CNNM4: variants seen among roughly 807,000 people sequenced by gnomAD.
CNNM4 encodes the protein metal transporter CNNM4.
A neutral mutation model predicts 53.7 loss-of-function variants in CNNM4; 32 were observed. That is an observed-to-expected ratio of 0.60 (90% CI 0.45 to 0.80). CNNM4 has a LOEUF of 0.80. Ranked by LOEUF, CNNM4 falls within the 30% of genes least tolerant of loss-of-function variation. The pLI, the probability that CNNM4 is intolerant of heterozygous loss-of-function variation, is 0.00. For missense variants in CNNM4, 784 were observed against 1,022.0 expected, an observed-to-expected ratio of 0.77 and a Z score of 3.17; for synonymous variants, 410 against 440.0, an observed-to-expected ratio of 0.93 and a Z score of 0.85.
At chr2:96,807,595 C>T (rs773782769) in intron 5 of CNNM4, among the ~76,000 whole-genome samples, 6 of 151,794 alleles carry the variant, frequency 4.0e-5, no homozygotes, top group Non-Finnish European at 8.8e-5. Flanking sequence ...ATTATCCAGG[C>T]GTGGTGTTGG....
chr2:96,808,887 C>G lies in CNNM4; in HGVS notation c.2130+145C>G. 1 of 866,114 alleles carries G rather than the reference C, an allele frequency of 1.2e-6. No individual in the cohort carries two copies. 53.7% of individuals were successfully genotyped at this position (866,114 alleles called of 1,614,324 possible). A position where few individuals can be genotyped will look rare whatever the true frequency, so the allele number is the denominator to read the frequency against. ...ATGGGGTCTTGCTCTGTCGCCCAGGCTGGAATGCAGTGGTGTGATCATAGC... is the reference window on the plus strand; with the variant it reads ...ATGGGGTCTTGCTCTGTCGCCCAGGGTGGAATGCAGTGGTGTGATCATAGC... On this transcript the variant is annotated intron_variant, in intron 6 of 6. Transcript: ENST00000377075. This position sits in a 1 kb window ranked among gnomAD's most constrained non-coding sequence, Gnocchi z 4.9.
intron 1 of CNNM4, among the ~76,000 whole-genome samples, chr2:96,773,929 A>G (rs573772019): frequency 1.3e-5 from 2 of 152,238 alleles, no homozygotes; most frequent in South Asian, 4.1e-4. Flanking sequence ...AACCCTCTAT[A>G]TAATTATATG....
chr2:96,775,709 G>T (rs1014517542), intron 1 of CNNM4, among the ~76,000 whole-genome samples: 1 of 152,110 alleles, frequency 6.6e-6, no homozygotes, highest in African/African-American at 2.4e-5. Context: ...GTGCATGGTT[G>T]TGTCTCACTG....
intron 5 of CNNM4, among the ~76,000 whole-genome samples, chr2:96,804,194 C>T (rs1027592358): frequency 2.0e-5 from 3 of 151,318 alleles, no homozygotes; most frequent in Admixed American, 6.6e-5. Flanking sequence ...TGCACCTGGC[C>T]GGACCTCTAA....
chr2:96,784,793 AC>A (rs1325699958), intron 1 of CNNM4, among the ~76,000 whole-genome samples: 1 of 152,226 alleles, frequency 6.6e-6, no homozygotes, highest in Middle Eastern at 3.2e-3. Flanking sequence ...TCTCCTGGGA[AC>A]ATGGTCACCC....
At chr2:96,782,946 G>A (rs1479683134) in intron 1 of CNNM4, among the ~76,000 whole-genome samples, 1 of 152,052 alleles carries the variant, frequency 6.6e-6, no homozygotes, top group Non-Finnish European at 1.5e-5. Flanking sequence ...GGGCTCACAC[G>A]TGTAATCCTA....
intron 1 of CNNM4, among the ~76,000 whole-genome samples, chr2:96,763,616 A>G (rs1323450866): frequency 6.6e-6 from 1 of 152,168 alleles, no homozygotes; most frequent in Non-Finnish European, 1.5e-5. Flanking sequence ...GTGAGCTGGC[A>G]GGTGTTTCTG....
chr2:96,762,491 GTT>G, intron 1 of CNNM4, 90 bp downstream of exon 1: 1 of 1,246,824 alleles, frequency 8.0e-7, no homozygotes, highest in Non-Finnish European at 1.2e-6. Flanking sequence ...TTAGTGTTCT[GTT>G]TGTGTGACTC....
chr2:96,806,531 A>ACGCG lies in CNNM4; in HGVS notation c.1949-2029_1949-2028insGCGC, dbSNP rs1439016674. On this transcript the variant is annotated intron_variant, in intron 5 of 6. Coordinates refer to ENST00000377075, the MANE Select transcript of CNNM4 (RefSeq NM_020184.4). ...AACACACACACACACACACACACAC[A>ACGCG]CACACGCGCGCGCGCGCGCGCGCCC... 1.9e-3 allele frequency among the ~76,000 whole-genome samples: 272 copies of ACGCG among 140,424 alleles called. 1 individual carries two copies. The highest frequency in any genetic ancestry group is 0.012 in the Middle Eastern group (3 of 254). The allele number at this position is 140,424 out of a possible 152,430, so 92.1% of individuals were successfully genotyped here. A position where few individuals can be genotyped will look rare whatever the true frequency, so the allele number is the denominator to read the frequency against.
rs375409792 is a variant in CNNM4 at position 96,809,722 on chromosome 2, G to T, written c.*205G>T. 4 of 512,494 alleles carry T rather than the reference G, an allele frequency of 7.8e-6. No homozygotes were observed. The highest frequency in any genetic ancestry group is 1.9e-5 in the African/African-American group (1 of 52,634). The allele number at this position is 512,494 out of a possible 1,614,324, so 31.7% of individuals were successfully genotyped here. On this transcript the variant is annotated 3_prime_UTR_variant, in exon 7 of 7. Coordinates refer to ENST00000377075, the MANE Select transcript of CNNM4 (RefSeq NM_020184.4). Reference sequence around the variant, plus strand: ...GGTGGCACTGTCCAGCCCTGGATAGGGGGGGCAGTGGGCCAGCTACCGTAA... The same window carrying T: ...GGTGGCACTGTCCAGCCCTGGATAGTGGGGGCAGTGGGCCAGCTACCGTAA...
intron 1 of CNNM4, among the ~76,000 whole-genome samples, chr2:96,773,569 G>A (rs1331666573): frequency 3.3e-5 from 5 of 152,068 alleles, no homozygotes; most frequent in African/African-American, 1.2e-4. Context: ...ATGGCAAGGC[G>A]CGGTGGCTCA....
intron 1 of CNNM4, among the ~76,000 whole-genome samples, chr2:96,771,520 C>T (rs916767986): frequency 6.6e-6 from 1 of 152,044 alleles, no homozygotes; most frequent in Non-Finnish European, 1.5e-5. Flanking sequence ...GCCTGGCCAA[C>T]ATGGTGAAAC....
chr2:96,807,959 G>A (rs1462346297), intron 5 of CNNM4, among the ~76,000 whole-genome samples: 1 of 152,024 alleles, frequency 6.6e-6, no homozygotes, highest in East Asian at 1.9e-4. Context: ...TGCCAGCTTG[G>A]CTCACTGCAA....
intron 1 of CNNM4, among the ~76,000 whole-genome samples, chr2:96,790,953 C>G (rs1269135597): frequency 6.6e-6 from 1 of 150,572 alleles, no homozygotes; most frequent in Admixed American, 6.6e-5. Context: ...AACCCTGTCT[C>G]TATTAAAAAT....
At chr2:96,771,964 G>T (rs2078873876) in intron 1 of CNNM4, among the ~76,000 whole-genome samples, 1 of 152,132 alleles carries the variant, frequency 6.6e-6, no homozygotes, top group Admixed American at 6.5e-5. Flanking sequence ...TGTTGCTGGA[G>T]CATTCCCCAG....
chr2:96,766,406 T>A (rs2078819256), intron 1 of CNNM4, among the ~76,000 whole-genome samples: 2 of 152,130 alleles, frequency 1.3e-5, no homozygotes, highest in African/African-American at 4.8e-5. Flanking sequence ...ACCAGGATGC[T>A]CCCACCATGG....
chr2:96,802,352 G>C (rs1258670634), intron 5 of CNNM4, among the ~76,000 whole-genome samples: 2 of 152,258 alleles, frequency 1.3e-5, no homozygotes, highest in Non-Finnish European at 2.9e-5. Flanking sequence ...AAGAGGAGAC[G>C]CACCCCAGCG....
chr2:96,784,516 A>G (rs551329565), intron 1 of CNNM4, among the ~76,000 whole-genome samples: 1 of 152,356 alleles, frequency 6.6e-6, no homozygotes, highest in African/African-American at 2.4e-5. Flanking sequence ...AAGCTTAAAA[A>G]TCTAGAGACT....
intron 5 of CNNM4, 55 bp downstream of exon 5, chr2:96,799,703 C>A: frequency 1.5e-6 from 2 of 1,375,350 alleles, no homozygotes; most frequent in Non-Finnish European, 2.0e-6. Flanking sequence ...AGCTGGGGAG[C>A]CATGGACCGA....
Sources: gnomAD v4.1 joint callset for allele counts (sites outside exome capture counted in the v4.1 genomes callset) on GRCh38, gnomAD v4.1.1 for gene constraint, Gnocchi (gnomAD v3.1) non-coding constraint, MANE v1.5 for transcripts, NCBI Gene and HGNC (gene_info 2026-07-23, HGNC 2026-07-21) for gene names.